Variants in UPRT observed in about 807,000 individuals in gnomAD.
The protein encoded by UPRT is uracil phosphoribosyltransferase homolog.
UPRT carries 5 observed loss-of-function variants against 22.6 expected under a neutral mutation model. That is an observed-to-expected ratio of 0.22 (90% CI 0.12 to 0.47). UPRT has a LOEUF of 0.47. UPRT is among the 20% of genes least tolerant of loss of function. UPRT has a pLI of 0.99. For missense variants in UPRT, 181 were observed against 239.9 expected (o/e 0.75, Z 1.62); for synonymous variants, 77 against 87.7 (o/e 0.88, Z 0.68).
intron 4 of UPRT, among the ~76,000 whole-genome samples, chrX:75,174,400 G>A (rs919662052): frequency 5.4e-5 from 6 of 111,427 alleles, no homozygotes; most frequent in African/African-American, 1.3e-4. Context: ...TGATGGCCTC[G>A]ATTCTAGAGG....
intron 4 of UPRT, among the ~76,000 whole-genome samples, chrX:75,196,998 G>A (rs1035003871): frequency 9.0e-6 from 1 of 111,546 alleles, no homozygotes; most frequent in African/African-American, 3.3e-5. Context: ...GTTAGGGGAT[G>A]AGAGAAAAAG....
Position 75,183,862 on chromosome X carries a change from A to C in UPRT, c.-447+15983A>C, listed in dbSNP as rs1372735337. Among the ~76,000 whole-genome samples, 5 of 111,534 alleles carry C rather than the reference A, an allele frequency of 4.5e-5. No homozygotes were observed. The East Asian group carries it at 1.1e-3, about 25-fold the overall frequency. The stretch of plus-strand genomic sequence containing the variant: ...GTTCATATCCTTCGCCCACTTATTG[A>C]TGGGGTTGTTTGTTTTTTTCTTGCA... On this transcript the variant is annotated intron_variant, in intron 4 of 13. Coordinates refer to the UPRT transcript ENST00000652605.
chrX:75,265,693 C>A (rs1225985158), intron 4 of UPRT, among the ~76,000 whole-genome samples: 1 of 112,033 alleles, frequency 8.9e-6, no homozygotes, highest in Non-Finnish European at 1.9e-5. Flanking sequence ...CAAAGTCATT[C>A]TCTGTCCAGC....
intron 2 of UPRT, among the ~76,000 whole-genome samples, chrX:75,163,064 T>C (rs749210192): frequency 8.9e-6 from 1 of 112,078 alleles, no homozygotes; most frequent in Admixed American, 9.4e-5. Context: ...AGGGCTGCAA[T>C]CTCATCTGAG....
At chrX:75,244,855 A>G (rs1462441681) in intron 4 of UPRT, among the ~76,000 whole-genome samples, 1 of 111,542 alleles carries the variant, frequency 9.0e-6, no homozygotes, top group Non-Finnish European at 1.9e-5. Context: ...CATTCTGGAC[A>G]TAGGACCTGG....
At chrX:75,178,941 A>G (rs183860513) in intron 4 of UPRT, among the ~76,000 whole-genome samples, 2 of 111,902 alleles carry the variant, frequency 1.8e-5, no homozygotes, top group South Asian at 3.8e-4. Flanking sequence ...TGGTAGAGCC[A>G]AGTGGCCTGT....
upstream of UPRT, among the ~76,000 whole-genome samples, chrX:75,269,202 T>C (rs944973420): frequency 1.8e-5 from 2 of 111,271 alleles, no homozygotes; most frequent in African/African-American, 6.5e-5. Context: ...TTACAAGGGG[T>C]GTGAAGGACC....
In UPRT at chrX:75,293,083, G is replaced by A. The variant is rs947980137; in HGVS notation, c.387-389G>A. On this transcript the variant is annotated intron_variant, in intron 1 of 6. Transcript: ENST00000373383. ...GGTAATATGGGTTTTAGATCAAGGT[G>A]AGTTGAGGGGGAGAATGGGGAGAAA... 2.7e-5 allele frequency among the ~76,000 whole-genome samples: 3 copies of A among 111,333 alleles called. No homozygotes were observed. The Admixed American group carries it at 2.9e-4, about 11-fold the overall frequency.
intron 4 of UPRT, among the ~76,000 whole-genome samples, chrX:75,211,277 G>A (rs1013606734): frequency 1.2e-4 from 13 of 111,352 alleles, no homozygotes; most frequent in African/African-American, 3.9e-4. Flanking sequence ...AGGAACATAG[G>A]ATAGCTGAGC....
intron 2 of UPRT, among the ~76,000 whole-genome samples, chrX:75,161,173 C>G (rs1030392233): frequency 5.3e-5 from 6 of 112,164 alleles, no homozygotes; most frequent in Admixed American, 9.4e-5. Context: ...GCACTGGGTG[C>G]TTTAAGTTGT....
intron 4 of UPRT, among the ~76,000 whole-genome samples, chrX:75,253,209 AAAG>A (rs987289038): frequency 3.6e-5 from 4 of 112,210 alleles, no homozygotes; most frequent in African/African-American, 1.3e-4. Flanking sequence ...AAATTTAAAA[AAAG>A]AATAAAAACA....
chrX:75,248,833 G>A (rs978328109), intron 4 of UPRT, among the ~76,000 whole-genome samples: 2 of 112,010 alleles, frequency 1.8e-5, no homozygotes, highest in Non-Finnish European at 3.8e-5. Flanking sequence ...TCCACAAAGG[G>A]AAGCCCATCA....
At chrX:75,158,790 G>A (rs2147597769) in intron 1 of UPRT, among the ~76,000 whole-genome samples, 1 of 110,797 alleles carries the variant, frequency 9.0e-6, no homozygotes, top group Admixed American at 9.6e-5. Flanking sequence ...TATCTTTCAG[G>A]TCTCAAAACA....
At chrX:75,273,224 G>A (rs1421327925), upstream of UPRT, among the ~76,000 whole-genome samples, 2 of 110,567 alleles carry the variant, frequency 1.8e-5, no homozygotes, top group African/African-American at 6.6e-5. Flanking sequence ...CAACTAGTGG[G>A]TACTAGGCTT....
At chrX:75,160,525 CTTTA>C (rs1302120519) in intron 1 of UPRT, among the ~76,000 whole-genome samples, 9 of 111,470 alleles carry the variant, frequency 8.1e-5, no homozygotes, top group South Asian at 3.8e-4. Flanking sequence ...TGTCGTTTTA[CTTTA>C]TTTGTTTATT....
At chrX:75,209,198 C>T (rs929387237) in intron 4 of UPRT, among the ~76,000 whole-genome samples, 5 of 110,552 alleles carry the variant, frequency 4.5e-5, no homozygotes, top group Non-Finnish European at 9.5e-5. Flanking sequence ...GAGTAACTAG[C>T]CCCCATATCT....
chrX:75,245,337 C>T (rs757663498), intron 4 of UPRT, among the ~76,000 whole-genome samples: 20 of 109,753 alleles, frequency 1.8e-4, no homozygotes, highest in Non-Finnish European at 3.2e-4. Flanking sequence ...GAACACACTG[C>T]GGGTGGAAAT....
chrX:75,264,696 G>GTTAATA (rs2082581267), intron 4 of UPRT, among the ~76,000 whole-genome samples: 1 of 111,349 alleles, frequency 9.0e-6, no homozygotes. Context: ...TACATTTAAT[G>GTTAATA]TTAATATTGT....
At chrX:75,212,474 A>G (rs1479306830) in intron 4 of UPRT, among the ~76,000 whole-genome samples, 1 of 112,206 alleles carries the variant, frequency 8.9e-6, no homozygotes, top group Non-Finnish European at 1.9e-5. Context: ...AGTTCTTTGA[A>G]ACAAATGAGA....
Sources: allele counts gnomAD v4.1 joint callset (sites outside exome capture counted in the v4.1 genomes callset), GRCh38; gene constraint gnomAD v4.1.1; transcripts MANE v1.5; gene names NCBI Gene and HGNC (gene_info 2026-07-23, HGNC 2026-07-21).